The following ARHGAP42 variants were observed in gnomAD, a reference collection of about 807,000 sequenced individuals.
The protein encoded by ARHGAP42 is rho GTPase-activating protein 42.
A neutral mutation model predicts 125.0 loss-of-function variants in ARHGAP42; 63 were observed. The ratio of observed to expected loss-of-function variants is 0.50; its 90% confidence interval spans 0.41 to 0.62. The LOEUF (loss-of-function observed/expected upper bound fraction) is 0.62. Among genes scored for constraint, ARHGAP42 ranks in the 20% least tolerant of loss-of-function variants. ARHGAP42 has a pLI of 0.00. For missense variants in ARHGAP42, 766 were observed against 1,024.2 expected (o/e 0.75, Z 3.44); for synonymous variants, 339 against 351.0 (o/e 0.97, Z 0.38).
At chr11:100,987,273 G>A (rs1858703409) in intron 22 of ARHGAP42, among the ~76,000 whole-genome samples, 1 of 152,110 alleles carries the variant, frequency 6.6e-6, no homozygotes, top group Admixed American at 6.6e-5. Context: ...GGATTACCCT[G>A]GAGAGCATTG....
In ARHGAP42 at chr11:100,956,270, C is replaced by T. The variant is rs376168105; in HGVS notation, c.1163-3613C>T. On this transcript the variant is annotated intron_variant, in intron 12 of 23. Transcript: ENST00000298815. The stretch of plus-strand genomic sequence containing the variant: ...TTGCCACAGTGAATTAAGTTATACA[C>T]AACTAAATCAGAACTGGCCAGGTTA... Among the ~76,000 whole-genome samples the T allele has an allele frequency of 2.1e-4, 32 of 152,268 alleles. 1 individual carries two copies. In the East Asian group the frequency reaches 5.8e-3, roughly 28 times the overall value.
intron 6 of ARHGAP42, among the ~76,000 whole-genome samples, chr11:100,924,724 A>C (rs1203566038): frequency 6.6e-6 from 1 of 152,068 alleles, no homozygotes; most frequent in African/African-American, 2.4e-5. Context: ...TATTCTAAAG[A>C]AAAACTAGGT....
intron 21 of ARHGAP42, 99 bp from the exon 22 acceptor site, chr11:100,978,888 C>T: frequency 8.0e-7 from 1 of 1,249,254 alleles, no homozygotes; most frequent in Non-Finnish European, 1.1e-6. Flanking sequence ...TGGTTCTCAA[C>T]CATTTTTTGT....
At chr11:100,887,568 A>G (rs1270782819) in intron 4 of ARHGAP42, among the ~76,000 whole-genome samples, 1 of 152,204 alleles carries the variant, frequency 6.6e-6, no homozygotes, top group African/African-American at 2.4e-5. Flanking sequence ...TAACTATTTC[A>G]TTTGAAGCAT....
At chr11:100,835,193 C>T (rs941122429) in intron 3 of ARHGAP42, among the ~76,000 whole-genome samples, 1 of 152,108 alleles carries the variant, frequency 6.6e-6, no homozygotes, top group Non-Finnish European at 1.5e-5. Flanking sequence ...GGTTCCTCCT[C>T]TTCTGTGGTA....
chr11:100,783,476 A>G (rs1470762015), intron 2 of ARHGAP42, among the ~76,000 whole-genome samples: 1 of 152,172 alleles, frequency 6.6e-6, no homozygotes, highest in Non-Finnish European at 1.5e-5. Context: ...GACTTGTGGT[A>G]TATGCAGAAG....
chr11:100,822,754 A>G (rs1246130719), intron 3 of ARHGAP42, among the ~76,000 whole-genome samples: 2 of 151,982 alleles, frequency 1.3e-5, no homozygotes, highest in Non-Finnish European at 2.9e-5. Context: ...CTTTTTTCCC[A>G]CAGAGTGGAA....
chr11:100,854,751 C>T (rs1865286514), intron 3 of ARHGAP42, among the ~76,000 whole-genome samples: 1 of 151,980 alleles, frequency 6.6e-6, no homozygotes, highest in Admixed American at 6.6e-5. Flanking sequence ...GGCTAGCACC[C>T]CAGTTCCCCA....
chr11:100,965,533 A>C (rs1252038340), intron 16 of ARHGAP42, 138 bp from the exon 17 acceptor site: 3 of 741,980 alleles, frequency 4.0e-6, no homozygotes, highest in African/African-American at 3.6e-5. Flanking sequence ...ATAGGGAATG[A>C]TAATGACAGT....
intron 5 of ARHGAP42, among the ~76,000 whole-genome samples, chr11:100,920,003 T>G (rs559289131): frequency 6.6e-6 from 1 of 152,326 alleles, no homozygotes; most frequent in South Asian, 2.1e-4. Flanking sequence ...ATTACTAAAT[T>G]AATTAATTCT....
chr11:100,744,709 C>A (rs1862261336), intron 1 of ARHGAP42, among the ~76,000 whole-genome samples: 1 of 152,082 alleles, frequency 6.6e-6, no homozygotes, highest in Non-Finnish European at 1.5e-5. Context: ...TATAGAGAGT[C>A]TTTGTATGAT....
intron 1 of ARHGAP42, among the ~76,000 whole-genome samples, chr11:100,703,650 G>A (rs373016799): frequency 4.9e-4 from 74 of 152,264 alleles, no homozygotes; most frequent in African/African-American, 1.7e-3. Context: ...ATCTTGATTT[G>A]AGAACCAAGA....
chr11:100,756,922 G>C (rs535874989), intron 1 of ARHGAP42, among the ~76,000 whole-genome samples: 1 of 152,296 alleles, frequency 6.6e-6, no homozygotes, highest in South Asian at 2.1e-4. Flanking sequence ...TAGAATAAAA[G>C]ATTGAGATTT....
chr11:100,916,457 G>A (rs1867068779), intron 5 of ARHGAP42, among the ~76,000 whole-genome samples: 1 of 152,014 alleles, frequency 6.6e-6, no homozygotes, highest in Non-Finnish European at 1.5e-5. Flanking sequence ...GGGCTAAGAA[G>A]GCAAACAGGC....
intron 3 of ARHGAP42, among the ~76,000 whole-genome samples, chr11:100,853,502 C>A (rs1865253643): frequency 1.3e-5 from 2 of 152,072 alleles, no homozygotes; most frequent in South Asian, 4.1e-4. Flanking sequence ...AAGAAGGATA[C>A]AATAAATAAC....
chr11:100,770,679 G>C (rs575758430), intron 2 of ARHGAP42, among the ~76,000 whole-genome samples: 1 of 152,286 alleles, frequency 6.6e-6, no homozygotes, highest in African/African-American at 2.4e-5. Context: ...CCGGGTTCAA[G>C]TGGTTCTCCT....
chr11:100,847,885 A>G (rs1339439194), intron 3 of ARHGAP42, among the ~76,000 whole-genome samples: 2 of 152,184 alleles, frequency 1.3e-5, no homozygotes, highest in Admixed American at 6.5e-5. Context: ...TGGAGAAAGC[A>G]TTATTAAGCG....
At chr11:100,975,135 C>T (rs73579230) in intron 19 of ARHGAP42, among the ~76,000 whole-genome samples, 2,487 of 152,040 alleles carry the variant, frequency 0.016, 67 homozygotes, top group African/African-American at 0.056. Flanking sequence ...TTATTTTATA[C>T]CCCCCACCCC....
At chr11:100,965,111 G>A (rs546612267) in intron 16 of ARHGAP42, among the ~76,000 whole-genome samples, 2 of 152,224 alleles carry the variant, frequency 1.3e-5, no homozygotes, top group African/African-American at 4.8e-5. Flanking sequence ...AAAACCATCA[G>A]ATCTTGTGAG....
Sources: gnomAD v4.1 joint callset for allele counts (sites outside exome capture counted in the v4.1 genomes callset) on GRCh38, gnomAD v4.1.1 for gene constraint, MANE v1.5 for transcripts, NCBI Gene and HGNC (gene_info 2026-07-23, HGNC 2026-07-21) for gene names.